NRG3: variants seen among roughly 807,000 people sequenced by gnomAD.
NRG3 encodes the protein neuregulin 3.
Under a neutral mutation model 66.9 loss-of-function variants are expected in NRG3, and 31 were observed. The ratio of observed to expected loss-of-function variants is 0.46; its 90% confidence interval spans 0.35 to 0.63. The LOEUF (loss-of-function observed/expected upper bound fraction) is 0.63. NRG3 is among the 20% of genes least tolerant of loss of function. The pLI, the probability that NRG3 is intolerant of heterozygous loss-of-function variation, is 0.00. For synonymous variants in NRG3, 393 were observed against 359.4 expected (o/e 1.09, Z -1.06); for missense variants, 910 against 878.9 (o/e 1.04, Z -0.45).
chr10:82,207,822 G>A (rs1267578645), intron 1 of NRG3, among the ~76,000 whole-genome samples: 1 of 152,120 alleles, frequency 6.6e-6, no homozygotes. Flanking sequence ...CACAAGAACG[G>A]CATGGGGAGA....
At chr10:82,135,930 G>A (rs74144160) in intron 1 of NRG3, among the ~76,000 whole-genome samples, 1 of 151,976 alleles carries the variant, frequency 6.6e-6, no homozygotes, top group African/African-American at 2.4e-5. Context: ...TTGAAGAGTT[G>A]GGTATTTTTT....
At chr10:82,338,217 G>C (rs1440709600) in intron 1 of NRG3, among the ~76,000 whole-genome samples, 2 of 152,204 alleles carry the variant, frequency 1.3e-5, no homozygotes, top group Non-Finnish European at 2.9e-5. Context: ...GCACTTGTGA[G>C]ATCATCACCT....
intron 2 of NRG3, among the ~76,000 whole-genome samples, chr10:82,390,588 C>A (rs559241527): frequency 9.2e-5 from 14 of 152,170 alleles, no homozygotes; most frequent in African/African-American, 3.1e-4. Flanking sequence ...CTTTTACTTT[C>A]AAAAATGTGT....
chr10:82,581,016 T>C (rs1215403747), intron 2 of NRG3, among the ~76,000 whole-genome samples: 1 of 151,862 alleles, frequency 6.6e-6, no homozygotes, highest in Non-Finnish European at 1.5e-5. Flanking sequence ...GTTTTATAAG[T>C]AACTCCCAAA....
At chr10:82,876,253 G>A (rs373433116) in intron 4 of NRG3, among the ~76,000 whole-genome samples, 76 of 152,142 alleles carry the variant, frequency 5.0e-4, no homozygotes, top group African/African-American at 1.8e-3. Context: ...AAGTTTCTAC[G>A]TAGGTGTGAA....
At chr10:81,892,252 C>G (rs1432626490) in intron 1 of NRG3, among the ~76,000 whole-genome samples, 2 of 151,844 alleles carry the variant, frequency 1.3e-5, no homozygotes, top group Admixed American at 1.3e-4. Context: ...TATACACACA[C>G]TTTATGTAAA....
chr10:81,883,842 T>G (rs1424869058), intron 1 of NRG3, among the ~76,000 whole-genome samples: 1 of 152,220 alleles, frequency 6.6e-6, no homozygotes, highest in African/African-American at 2.4e-5. Context: ...GCTTGAATTT[T>G]ACTTTTAGTA....
intron 2 of NRG3, among the ~76,000 whole-genome samples, chr10:82,736,114 AAAT>A (rs2058142044): frequency 6.6e-6 from 1 of 152,306 alleles, no homozygotes; most frequent in East Asian, 1.9e-4. Flanking sequence ...AGAAAAAAGA[AAAT>A]AAAACAAACA....
chr10:82,378,879 A>T (rs2085433234), intron 2 of NRG3, among the ~76,000 whole-genome samples: 1 of 151,934 alleles, frequency 6.6e-6, no homozygotes, highest in Admixed American at 6.6e-5. Flanking sequence ...CTGCTGATGG[A>T]ATTTTCTCTT....
rs1853349599 is a variant in NRG3, at chr10:82,985,342, G to T, written c.1828G>T (p.Val610Phe). Residue 610 changes from valine (V) to phenylalanine (F), a missense_variant, in exon 9 of 9, where the codon GTC becomes TTC. Coordinates refer to ENST00000372141, the MANE Select transcript of NRG3 (RefSeq NM_001010848.4). ...CAAAAACTCCTATTCAGCTGACGTT[G>T]TCAATGTGAGTATTCCAGTCAGCGA... ...WCKNSYSADVVNVSIPVSDCL... is the reference protein window; with the variant it reads ...WCKNSYSADVFNVSIPVSDCL... 3 of 1,614,142 alleles carry T rather than the reference G, an allele frequency of 1.9e-6. No homozygotes were observed. The highest frequency in any genetic ancestry group is 4.5e-5 in the East Asian group (2 of 44,876).
intron 1 of NRG3, among the ~76,000 whole-genome samples, chr10:82,342,825 T>C (rs2082753011): frequency 1.3e-5 from 2 of 152,112 alleles, no homozygotes; most frequent in African/African-American, 4.8e-5. Context: ...GAGGACTTGG[T>C]CATAAATTCT....
intron 5 of NRG3, 89 bp from the exon 6 acceptor site, chr10:82,958,860 A>G (rs1592093468): frequency 1.4e-6 from 2 of 1,381,270 alleles, no homozygotes; most frequent in East Asian, 5.2e-5. Flanking sequence ...GCAAATAACA[A>G]ATATAGACAC....
chr10:81,915,195 C>G (rs1225095082), intron 1 of NRG3, among the ~76,000 whole-genome samples: 1 of 152,102 alleles, frequency 6.6e-6, no homozygotes, highest in Middle Eastern at 3.2e-3. Flanking sequence ...AAAAAAAGAT[C>G]TTTTTTATAT....
intron 4 of NRG3, among the ~76,000 whole-genome samples, chr10:82,944,840 A>G (rs887904827): frequency 6.6e-6 from 1 of 152,216 alleles, no homozygotes; most frequent in Admixed American, 6.5e-5. Flanking sequence ...ACATGAGGTC[A>G]TATCTTAAGA....
At chr10:82,705,337 G>A (rs2056207505) in intron 2 of NRG3, among the ~76,000 whole-genome samples, 1 of 152,134 alleles carries the variant, frequency 6.6e-6, no homozygotes, top group South Asian at 2.1e-4. Flanking sequence ...TAACACTGCT[G>A]GTCCTTAAAC....
chr10:82,673,655 A>G (rs190209091), intron 2 of NRG3, among the ~76,000 whole-genome samples: 2 of 152,224 alleles, frequency 1.3e-5, no homozygotes, highest in Non-Finnish European at 2.9e-5. Context: ...CACACTGGAG[A>G]CAATCCAAAG....
intron 1 of NRG3, among the ~76,000 whole-genome samples, chr10:82,187,537 T>G (rs2073878403): frequency 6.6e-6 from 1 of 152,196 alleles, no homozygotes; most frequent in Non-Finnish European, 1.5e-5. Flanking sequence ...AGTATAAATT[T>G]AATTTAGAGT....
At chr10:82,916,465 G>C (rs768408269) in intron 4 of NRG3, among the ~76,000 whole-genome samples, 1 of 151,966 alleles carries the variant, frequency 6.6e-6, no homozygotes, top group Non-Finnish European at 1.5e-5. Flanking sequence ...AAGTAAAAAA[G>C]GTGGGGGAAC....
chr10:82,858,011 C>T (rs555640977), intron 3 of NRG3, among the ~76,000 whole-genome samples: 1 of 152,158 alleles, frequency 6.6e-6, no homozygotes, highest in Non-Finnish European at 1.5e-5. Context: ...TGCTCACACT[C>T]TTGACAGTTC....
Sources: allele counts gnomAD v4.1 joint callset (sites outside exome capture counted in the v4.1 genomes callset), GRCh38; gene constraint gnomAD v4.1.1; transcripts MANE v1.5; gene names NCBI Gene and HGNC (gene_info 2026-07-23, HGNC 2026-07-21).